TUT7: variants seen among roughly 807,000 people sequenced by gnomAD.
TUT7 encodes the protein terminal uridylyltransferase 7.
Under a neutral mutation model 165.9 loss-of-function variants are expected in TUT7, and 33 were observed. The ratio of observed to expected loss-of-function variants is 0.20; its 90% CI spans 0.15 to 0.27. The LOEUF (loss-of-function observed/expected upper bound fraction) is 0.27. Among genes scored for constraint, TUT7 ranks in the 10% least tolerant of loss-of-function variants. The pLI, the probability that TUT7 is intolerant of heterozygous loss-of-function variation, is 1.00. For missense variants in TUT7, 1,338 were observed against 1,762.3 expected (o/e 0.76, Z 4.31); for synonymous variants, 552 against 608.1 (o/e 0.91, Z 1.36).
chr9:86,352,229 T>C (rs2131632302), intron 2 of TUT7, among the ~76,000 whole-genome samples: 1 of 152,336 alleles, frequency 6.6e-6, no homozygotes, highest in Non-Finnish European at 1.5e-5. Flanking sequence ...ACGCAGTGTA[T>C]ACTGTGTTTT....
chr9:86,334,549 T>G (rs2131524713), intron 10 of TUT7, among the ~76,000 whole-genome samples: 1 of 152,300 alleles, frequency 6.6e-6, no homozygotes, highest in East Asian at 1.9e-4. Context: ...TCTCTAATTC[T>G]GGGGGCAGTG....
chr9:86,325,306 G>A, intron 12 of TUT7, 28 bp downstream of exon 12: 5 of 1,603,712 alleles, frequency 3.1e-6, no homozygotes, highest in Non-Finnish European at 4.3e-6. Flanking sequence ...AAAGAGTGGG[G>A]GGGAATAAGA....
intron 10 of TUT7, among the ~76,000 whole-genome samples, chr9:86,333,801 G>A (rs1206049200): frequency 6.6e-6 from 1 of 151,602 alleles, no homozygotes; most frequent in Non-Finnish European, 1.5e-5. Context: ...TAGACACGAT[G>A]TACTGGGTAA....
chr9:86,289,270 T>C (rs1270939414), intron 26 of TUT7, among the ~76,000 whole-genome samples: 2 of 152,198 alleles, frequency 1.3e-5, no homozygotes, highest in African/African-American at 2.4e-5. Context: ...TACCACAGAA[T>C]AGTTACTAAA....
chr9:86,292,124 T>G (rs1825945858), intron 26 of TUT7, among the ~76,000 whole-genome samples: 1 of 152,132 alleles, frequency 6.6e-6, no homozygotes, highest in African/African-American at 2.4e-5. Context: ...CATACTACAG[T>G]GTCAGATCTC....
chr9:86,291,293 T>A (rs1431664845), intron 26 of TUT7, among the ~76,000 whole-genome samples: 1 of 151,996 alleles, frequency 6.6e-6, no homozygotes, highest in African/African-American at 2.4e-5. Context: ...AAATGGCCAA[T>A]AAACATGTAA....
chr9:86,322,536 T>C (rs553897578), intron 13 of TUT7, 61 bp from the exon 14 acceptor site: 1 of 1,546,200 alleles, frequency 6.5e-7, no homozygotes, highest in East Asian at 2.3e-5. Context: ...TAAAGGAGTC[T>C]GGAATCATGT....
chr9:86,344,255 A>G (rs1208598715), intron 5 of TUT7, among the ~76,000 whole-genome samples: 1 of 152,098 alleles, frequency 6.6e-6, no homozygotes, highest in Non-Finnish European at 1.5e-5. Context: ...GCAAGAATTG[A>G]GAATGATGAA....
intron 22 of TUT7, 25 bp from the exon 23 acceptor site, chr9:86,305,264 A>G (rs766660628): frequency 1.3e-6 from 2 of 1,526,782 alleles, no homozygotes; most frequent in East Asian, 2.3e-5. Context: ...TTAAGAGCAA[A>G]TAAGGTAATC....
chr9:86,340,140 A>G, intron 7 of TUT7, 35 bp from the exon 8 acceptor site: 1 of 1,564,506 alleles, frequency 6.4e-7, no homozygotes, highest in East Asian at 2.2e-5. Flanking sequence ...TAAGTTGGTT[A>G]ATTAAAGCTT....
At chr9:86,317,316 A>T in intron 16 of TUT7, 40 bp from the exon 17 acceptor site, 1 of 1,549,974 alleles carries the variant, frequency 6.5e-7, no homozygotes, top group South Asian at 1.1e-5. Flanking sequence ...CCAAAACTGG[A>T]AGACAGGTTC....
At chr9:86,340,975 T>A (rs1334574317) in intron 7 of TUT7, 27 bp downstream of exon 7, 2 of 1,583,286 alleles carry the variant, frequency 1.3e-6, no homozygotes, top group East Asian at 2.2e-5. Context: ...AACATAAAAA[T>A]TTTTTAAATG....
chr9:86,332,392 C>T (rs1351123877), intron 10 of TUT7, among the ~76,000 whole-genome samples: 1 of 152,144 alleles, frequency 6.6e-6, no homozygotes, highest in Non-Finnish European at 1.5e-5. Context: ...TTTGCAGGAA[C>T]ATGGATGAAG....
chr9:86,288,827 A>C (rs1825709636), intron 26 of TUT7, 83 bp from the exon 27 acceptor site: 1 of 1,075,618 alleles, frequency 9.3e-7, no homozygotes, highest in Non-Finnish European at 1.4e-6. Flanking sequence ...ACTTCTTATT[A>C]AGTAGTCACA....
intron 5 of TUT7, among the ~76,000 whole-genome samples, chr9:86,344,487 A>G (rs1831583812): frequency 6.6e-6 from 1 of 152,166 alleles, no homozygotes; most frequent in South Asian, 2.1e-4. Flanking sequence ...AACTTGGAAA[A>G]TCAATTCAAC....
intron 26 of TUT7, among the ~76,000 whole-genome samples, chr9:86,291,105 G>T (rs993613582): frequency 2.0e-5 from 3 of 152,002 alleles, no homozygotes; most frequent in African/African-American, 7.3e-5. Context: ...CTTTGGAATG[G>T]CAATACACAC....
intron 14 of TUT7, 91 bp downstream of exon 14, chr9:86,322,234 T>A: frequency 4.1e-6 from 5 of 1,206,136 alleles, no homozygotes; most frequent in Non-Finnish European, 4.7e-6. Context: ...CCTAATAATG[T>A]TTAGAGACCT....
intron 17 of TUT7, among the ~76,000 whole-genome samples, chr9:86,313,352 C>T (rs190880290): frequency 6.6e-6 from 1 of 151,974 alleles, no homozygotes; most frequent in Non-Finnish European, 1.5e-5. Context: ...TGGGAATACA[C>T]AGAAGAAGCA....
rs1013559728 is a variant in TUT7 at position 86,288,567 on chromosome 9, A to G, written c.*110T>C. On this transcript the variant is annotated 3_prime_UTR_variant, in exon 27 of 27. Coordinates refer to ENST00000375963, the MANE Select transcript of TUT7 (RefSeq NM_024617.4). ...AAAAAAAATCTGACATTTCCCTTAA[A>G]TGTTAAGTTGAAGCCTGATCTACAC... 1 of 696,320 alleles carries G rather than the reference A, an allele frequency of 1.4e-6. No homozygotes were observed. The highest frequency in any genetic ancestry group is 3.4e-5 in the Admixed American group (1 of 29,172). 43.1% of individuals were successfully genotyped at this position (696,320 alleles called of 1,614,324 possible).
Sources: gnomAD v4.1 joint callset for allele counts (sites outside exome capture counted in the v4.1 genomes callset) on GRCh38, gnomAD v4.1.1 for gene constraint, MANE v1.5 for transcripts, NCBI Gene and HGNC (gene_info 2026-07-23, HGNC 2026-07-21) for gene names.